The following BRAF variants were observed in gnomAD, a reference collection of about 807,000 sequenced individuals.
The protein encoded by BRAF is serine/threonine-protein kinase B-raf.
In BRAF, 16 loss-of-function variants were observed where a neutral mutation model predicts 104.6. That is an observed-to-expected ratio of 0.15 (90% CI 0.10 to 0.23). The LOEUF (loss-of-function observed/expected upper bound fraction) is 0.23, where lower values mean the gene tolerates loss of function less well. Ranked by LOEUF, BRAF falls within the 10% of genes least tolerant of loss-of-function variation. BRAF has a pLI of 1.00. For missense variants in BRAF, 541 were observed against 937.3 expected (o/e 0.58, Z 5.52); for synonymous variants, 310 against 341.6 (o/e 0.91, Z 1.02).
chr7:140,743,023 A>G (rs1185464530), intron 17 of BRAF, among the ~76,000 whole-genome samples: 1 of 152,268 alleles, frequency 6.6e-6, no homozygotes, highest in Non-Finnish European at 1.5e-5. Context: ...CCATAACGAC[A>G]TATCATCTCA....
chr7:140,725,925 C>A lies in BRAF; in HGVS notation c.*569G>T. ...GCCTCCATTTAAATAAAATAGTTTC[C>A]TTTTGATAAAATCTGTCAAGGCCTG... is the stretch of plus-strand genomic sequence containing the variant. On this transcript the variant is annotated 3_prime_UTR_variant, in exon 20 of 20. Coordinates refer to ENST00000644969, the MANE Select transcript of BRAF (RefSeq NM_001374258.1). 1 of 1,063,048 alleles carries A rather than the reference C, an allele frequency of 9.4e-7. No individual in the cohort carries two copies. The highest frequency in any genetic ancestry group is 1.1e-6 in the Non-Finnish European group (1 of 878,012). The allele number at this position is 1,063,048 out of a possible 1,614,324, so 65.9% of individuals were successfully genotyped here.
chr7:140,761,196 G>A (rs1395452963), intron 14 of BRAF, among the ~76,000 whole-genome samples: 1 of 152,206 alleles, frequency 6.6e-6, no homozygotes, highest in Non-Finnish European at 1.5e-5. Flanking sequence ...TCTCTCAGCA[G>A]AAACTCTACA....
chr7:140,787,537 T>G lies in BRAF; in HGVS notation c.1177+11A>C, dbSNP rs376703494. The stretch of plus-strand genomic sequence containing the variant: ...CTTGAGTTTTTAAAAAAACCTGAAA[T>G]CACTACTTACCTCCATCACCACGAA... On this transcript the variant is annotated intron_variant, in intron 9 of 19. Coordinates refer to ENST00000644969, the MANE Select transcript of BRAF (RefSeq NM_001374258.1). 6.2e-7 allele frequency: 1 copy of G among 1,610,550 alleles called. No homozygotes were observed. Among genetic ancestry groups the G allele is most frequent in the African/African-American group, 1.3e-5 (1 of 74,822 alleles).
intron 1 of BRAF, among the ~76,000 whole-genome samples, chr7:140,901,357 T>G (rs1815607298): frequency 6.6e-6 from 1 of 152,168 alleles, no homozygotes; most frequent in Admixed American, 6.6e-5. Context: ...GATCTCACAT[T>G]CACAAAGGTA....
At chr7:140,854,904 C>G (rs1809607258) in intron 1 of BRAF, among the ~76,000 whole-genome samples, 1 of 152,050 alleles carries the variant, frequency 6.6e-6, no homozygotes, top group Non-Finnish European at 1.5e-5. Context: ...GAGACTGCGC[C>G]ACTGCACTCC....
Position 140,724,440 on chromosome 7 carries a change from A to G in BRAF, c.*2054T>C. 4 of 1,055,300 alleles carry G rather than the reference A, an allele frequency of 3.8e-6. No homozygotes were observed. Among genetic ancestry groups the G allele is most frequent in the Non-Finnish European group, 4.6e-6 (4 of 873,038 alleles). The allele number at this position is 1,055,300 out of a possible 1,614,324, so 65.4% of individuals were successfully genotyped here. A position where few individuals can be genotyped will look rare whatever the true frequency, so the allele number is the denominator to read the frequency against. On this transcript the variant is annotated 3_prime_UTR_variant, in exon 20 of 20. Transcript: ENST00000644969. ...TATTATTGCACAGAAGATGTTCTTC[A>G]AATCAGCGTGAATTATTTCCACCTT... is the stretch of plus-strand genomic sequence containing the variant.
intron 1 of BRAF, among the ~76,000 whole-genome samples, chr7:140,910,245 G>A (rs1472726282): frequency 6.6e-6 from 1 of 152,098 alleles, no homozygotes; most frequent in Non-Finnish European, 1.5e-5. Context: ...ACTAACATAT[G>A]TATTTCCAAC....
intron 7 of BRAF, among the ~76,000 whole-genome samples, chr7:140,796,559 A>G (rs559195106): frequency 6.6e-6 from 1 of 152,250 alleles, no homozygotes; most frequent in Non-Finnish European, 1.5e-5. Context: ...AAAAACAAAA[A>G]CCAGATTTAA....
intron 1 of BRAF, among the ~76,000 whole-genome samples, chr7:140,900,245 A>C (rs774496838): frequency 7.2e-5 from 11 of 152,210 alleles, no homozygotes; most frequent in Non-Finnish European, 1.5e-4. Flanking sequence ...TTAATGAAAA[A>C]AGTTTCTATT....
At position 140,720,533 on chromosome 7, in the gene BRAF, A is replaced by G; in HGVS notation, c.*5961T>C. 2 of 1,065,042 alleles carry G rather than the reference A, an allele frequency of 1.9e-6. No homozygotes were observed. The highest frequency in any genetic ancestry group is 2.3e-6 in the Non-Finnish European group (2 of 879,148). The allele number at this position is 1,065,042 out of a possible 1,614,324, so 66.0% of individuals were successfully genotyped here. Reference sequence around the variant, plus strand: ...ACATACACAAATGTATTAGGAAGGAATGATTCTTAAAAAAACCGTTCACAG... The same window carrying G: ...ACATACACAAATGTATTAGGAAGGAGTGATTCTTAAAAAAACCGTTCACAG... On this transcript the variant is annotated 3_prime_UTR_variant, in exon 20 of 20. Transcript: ENST00000644969.
chr7:140,809,706 C>T (rs1804026934), intron 3 of BRAF, among the ~76,000 whole-genome samples: 1 of 152,122 alleles, frequency 6.6e-6, no homozygotes, highest in South Asian at 2.1e-4. Flanking sequence ...GAGAAAAGTC[C>T]TTGTTTCTAC....
chr7:140,732,170 C>CAAAAAAAAAAAAA (rs61727494), intron 19 of BRAF: 2 of 23,696 alleles, frequency 8.4e-5, no homozygotes, highest in Non-Finnish European at 2.7e-4. Flanking sequence ...GACTCTGTCT[C>CAAAAAAAAAAAAA]AAAAAAAAAA....
intron 3 of BRAF, among the ~76,000 whole-genome samples, chr7:140,811,195 T>C (rs897789439): frequency 1.3e-5 from 2 of 152,186 alleles, no homozygotes; most frequent in Admixed American, 6.5e-5. Context: ...TAGAGGCTGG[T>C]AGGAACCTAA....
chr7:140,723,391 T>C lies in BRAF; in HGVS notation c.*3103A>G. The C allele has an allele frequency of 9.5e-7, 1 of 1,054,346 alleles. No individual in the cohort carries two copies. Among genetic ancestry groups the C allele is most frequent in the Non-Finnish European group, 1.1e-6 (1 of 872,554 alleles). 65.3% of individuals were successfully genotyped at this position (1,054,346 alleles called of 1,614,324 possible). Reference sequence around the variant, plus strand: ...ACATAAATATAGCATATATCATTTGTATGGGATTTTATCTTCTAAAATGCC... The same window carrying C: ...ACATAAATATAGCATATATCATTTGCATGGGATTTTATCTTCTAAAATGCC... On this transcript the variant is annotated 3_prime_UTR_variant, in exon 20 of 20. Transcript: ENST00000644969.
At chr7:140,728,502 T>C (rs2130841146) in intron 19 of BRAF, among the ~76,000 whole-genome samples, 1 of 152,156 alleles carries the variant, frequency 6.6e-6, no homozygotes, top group South Asian at 2.1e-4. Flanking sequence ...AAAAGAATTA[T>C]TGCCTCATAT....
chr7:140,874,851 A>G (rs2129097093), intron 1 of BRAF, among the ~76,000 whole-genome samples: 1 of 152,322 alleles, frequency 6.6e-6, no homozygotes, highest in South Asian at 2.1e-4. Context: ...CCCATGGCTT[A>G]ACACCATCCC....
chr7:140,851,852 T>C (rs1809196438), intron 1 of BRAF, among the ~76,000 whole-genome samples: 1 of 152,222 alleles, frequency 6.6e-6, no homozygotes, highest in African/African-American at 2.4e-5. Context: ...CCATTTGAGA[T>C]TTTGGAAAAT....
intron 10 of BRAF, among the ~76,000 whole-genome samples, chr7:140,784,837 G>A (rs1586152487): frequency 3.3e-5 from 5 of 152,088 alleles, no homozygotes; most frequent in African/African-American, 9.6e-5. Flanking sequence ...TGTAGAGACG[G>A]GGTTTCACCA....
chr7:140,808,385 T>C (rs1586238989), intron 4 of BRAF: 3 of 431,070 alleles, frequency 7.0e-6, no homozygotes, highest in Admixed American at 6.2e-5. Flanking sequence ...AAATCACAGG[T>C]ACGGACTTAT....
Sources: allele counts gnomAD v4.1 joint callset (sites outside exome capture counted in the v4.1 genomes callset), GRCh38; gene constraint gnomAD v4.1.1; transcripts MANE v1.5; gene names NCBI Gene and HGNC (gene_info 2026-07-23, HGNC 2026-07-21).